PTPN12: variants seen among roughly 807,000 people sequenced by gnomAD.
PTPN12 encodes protein tyrosine phosphatase non-receptor type 12.
PTPN12 carries 29 observed loss-of-function variants against 97.6 expected under a neutral mutation model. The observed-to-expected ratio is 0.30, with a 90% CI of 0.22 to 0.41. The LOEUF (loss-of-function observed/expected upper bound fraction) is 0.41. Ranked by LOEUF, PTPN12 falls within the 10% of genes least tolerant of loss-of-function variation. PTPN12 has a pLI of 1.00. For missense variants in PTPN12, 819 were observed against 926.0 expected (o/e 0.88, Z 1.50); for synonymous variants, 327 against 300.4 (o/e 1.09, Z -0.91).
rs916202569 is a variant in PTPN12, at chr7:77,537,465, G to C, written c.-82G>C. ...AGGGAGGGACGTGCTGGGGGAACGAGCTGGGGAAGACGGAGCGGGCTCTGT... is the reference window on the plus strand; with the variant it reads ...AGGGAGGGACGTGCTGGGGGAACGACCTGGGGAAGACGGAGCGGGCTCTGT... On this transcript the variant is annotated 5_prime_UTR_variant, in exon 1 of 18. Coordinates refer to ENST00000248594, the MANE Select transcript of PTPN12 (RefSeq NM_002835.4). 166 of 1,463,226 alleles carry C rather than the reference G, an allele frequency of 1.1e-4. No individual in the cohort carries two copies. Among genetic ancestry groups the C allele is most frequent in the African/African-American group, 1.5e-4 (10 of 66,040 alleles). The allele number at this position is 1,463,226 out of a possible 1,614,324, so 90.6% of individuals were successfully genotyped here.
chr7:77,627,347 A>G lies in PTPN12; in HGVS notation c.1668A>G (p.Ser556=), dbSNP rs963736983. The G allele has an allele frequency of 2.5e-6, 4 of 1,614,170 alleles. No individual in the cohort carries two copies. The highest frequency in any genetic ancestry group is 3.4e-6 in the Non-Finnish European group (4 of 1,180,002). ...CTGATTTATCTGAAGGCAATTCCTC[A>G]GATATCAACTATCAAACTAGGAAAA... ...PIPDLSEGNS[S]DINYQTRKTV... Residue 556 remains serine (S), a synonymous_variant, in exon 13 of 18, where the codon TCA becomes TCG. Transcript: ENST00000248594.
chr7:77,575,056 A>C (rs1787296319), intron 2 of PTPN12, among the ~76,000 whole-genome samples: 1 of 151,430 alleles, frequency 6.6e-6, no homozygotes, highest in Non-Finnish European at 1.5e-5. Context: ...CTGGTCTCAA[A>C]CTCCTGACCT....
At chr7:77,567,269 T>C (rs80014710) in intron 1 of PTPN12, among the ~76,000 whole-genome samples, 20 of 151,972 alleles carry the variant, frequency 1.3e-4, no homozygotes, top group Non-Finnish European at 2.4e-4. Context: ...ACAGAGTTTA[T>C]TGTTTAACAG....
At position 77,557,339 on chromosome 7, in the gene PTPN12, T is replaced by C. The variant is rs529647302; in HGVS notation, c.100-13739T>C. Reference sequence around the variant, plus strand: ...CAGTTCATCAATTACAGTTCAGGTTTCTTATGGAAGTTTGCTGTGTGAGTG... The same window carrying C: ...CAGTTCATCAATTACAGTTCAGGTTCCTTATGGAAGTTTGCTGTGTGAGTG... On this transcript the variant is annotated intron_variant, in intron 1 of 17. Transcript: ENST00000248594. Among the ~76,000 whole-genome samples the C allele has an allele frequency of 2.0e-5, 3 of 152,298 alleles. No individual in the cohort carries two copies. In the South Asian group the frequency reaches 6.2e-4, roughly 32 times the overall value.
At chr7:77,579,577 G>A (rs1006321231) in intron 2 of PTPN12, among the ~76,000 whole-genome samples, 1 of 152,188 alleles carries the variant, frequency 6.6e-6, no homozygotes, top group African/African-American at 2.4e-5. Flanking sequence ...GTTACTATTA[G>A]AGGAAGTTCA....
chr7:77,552,781 A>G (rs986578894), intron 1 of PTPN12, among the ~76,000 whole-genome samples: 8 of 152,224 alleles, frequency 5.3e-5, no homozygotes, highest in Non-Finnish European at 1.2e-4. Context: ...ACAGTTATAT[A>G]GGTATTAGAC....
At chr7:77,605,973 AG>A (rs1788360629) in intron 8 of PTPN12, among the ~76,000 whole-genome samples, 2 of 23,362 alleles carry the variant, frequency 8.6e-5, no homozygotes, top group Admixed American at 8.7e-4. Context: ...TTTTTTTTTG[AG>A]TTGGAGTTTT....
chr7:77,582,081 G>GTT (rs1237836254), intron 3 of PTPN12, among the ~76,000 whole-genome samples: 5 of 74,332 alleles, frequency 6.7e-5, no homozygotes, highest in African/African-American at 2.5e-4. Flanking sequence ...AAGCAGTCAA[G>GTT]TTCTTTTTTT....
At chr7:77,610,648 T>G (rs544121326) in intron 9 of PTPN12, 117 bp from the exon 10 acceptor site, 1 of 1,057,126 alleles carries the variant, frequency 9.5e-7, no homozygotes, top group Non-Finnish European at 1.4e-6. Context: ...TAAGTGGTGT[T>G]CAATAAATGT....
chr7:77,537,690 G>A (rs1336441393), intron 1 of PTPN12, 45 bp downstream of exon 1: 4 of 1,531,734 alleles, frequency 2.6e-6, no homozygotes, highest in African/African-American at 1.4e-5. Context: ...CGGCGCCGGA[G>A]CCCATCGCCG....
intron 2 of PTPN12, among the ~76,000 whole-genome samples, chr7:77,571,404 C>T (rs1410475127): frequency 6.6e-6 from 1 of 152,098 alleles, no homozygotes. Context: ...CACAGTTGCT[C>T]TAATACTAAA....
chr7:77,630,352 G>T (rs570313687), intron 13 of PTPN12, among the ~76,000 whole-genome samples: 11 of 152,162 alleles, frequency 7.2e-5, no homozygotes, highest in Admixed American at 6.5e-4. Context: ...TTAATGGCAG[G>T]GATATGTTCT....
chr7:77,616,767 A>G (rs915461281), intron 11 of PTPN12, among the ~76,000 whole-genome samples: 4 of 152,106 alleles, frequency 2.6e-5, no homozygotes, highest in African/African-American at 9.7e-5. Flanking sequence ...CAGATGATCA[A>G]TAATATGTTG....
rs71981947 is a variant in PTPN12, at chr7:77,552,300, G to GT, written c.99+14668dup. 8.8e-3 allele frequency among the ~76,000 whole-genome samples: 1,279 copies of GT among 144,794 alleles called. 18 individuals are homozygous for GT. Among genetic ancestry groups the GT allele is most frequent in the African/African-American group, 0.027 (1,067 of 39,480 alleles). 95.0% of individuals were successfully genotyped at this position (144,794 alleles called of 152,430 possible). A position where few individuals can be genotyped will look rare whatever the true frequency, so the allele number is the denominator to read the frequency against. Reference sequence around the variant, plus strand: ...CCCTGGTGGATTACTTTTAAAGTATGTTTTTTTTTTTTTGAAAATGCAACT... The same window carrying GT: ...CCCTGGTGGATTACTTTTAAAGTATGTTTTTTTTTTTTTTGAAAATGCAACT... On this transcript the variant is annotated intron_variant, in intron 1 of 17. Coordinates refer to ENST00000248594, the MANE Select transcript of PTPN12 (RefSeq NM_002835.4).
intron 5 of PTPN12, 91 bp downstream of exon 5, chr7:77,585,672 G>A: frequency 8.8e-7 from 1 of 1,133,994 alleles, no homozygotes; most frequent in Non-Finnish European, 1.3e-6. Context: ...AGCGGTTAAT[G>A]TAGATACTTC....
At chr7:77,540,611 T>A (rs1806922276) in intron 1 of PTPN12, among the ~76,000 whole-genome samples, 1 of 151,774 alleles carries the variant, frequency 6.6e-6, no homozygotes. Context: ...GATTCTACAT[T>A]AGAGATTTGA....
At chr7:77,577,693 A>G (rs1449755926) in intron 2 of PTPN12, among the ~76,000 whole-genome samples, 1 of 152,250 alleles carries the variant, frequency 6.6e-6, no homozygotes, top group African/African-American at 2.4e-5. Context: ...TATAAGTAGC[A>G]TAATGTTGAT....
intron 1 of PTPN12, among the ~76,000 whole-genome samples, chr7:77,567,206 A>AC (rs1244496564): frequency 6.6e-6 from 1 of 151,730 alleles, no homozygotes; most frequent in Non-Finnish European, 1.5e-5. Context: ...AAAAAAAAAA[A>AC]AAAACCTGCT....
intron 1 of PTPN12, among the ~76,000 whole-genome samples, chr7:77,562,660 C>A (rs1439702121): frequency 6.6e-6 from 1 of 152,030 alleles, no homozygotes; most frequent in African/African-American, 2.4e-5. Flanking sequence ...TATACAGGGA[C>A]ATTAGATAAT....
Sources: gnomAD v4.1 joint callset for allele counts (sites outside exome capture counted in the v4.1 genomes callset) on GRCh38, gnomAD v4.1.1 for gene constraint, MANE v1.5 for transcripts, NCBI Gene and HGNC (gene_info 2026-07-23, HGNC 2026-07-21) for gene names.